Variants in PEX5L observed in about 807,000 individuals in gnomAD.
PEX5L encodes the protein PEX5-related protein.
A neutral mutation model predicts 84.0 loss-of-function variants in PEX5L; 30 were observed. That is an observed-to-expected ratio of 0.36 (90% CI 0.27 to 0.48). The LOEUF (loss-of-function observed/expected upper bound fraction) is 0.48. PEX5L is among the 20% of genes least tolerant of loss of function. PEX5L has a pLI of 0.99. For synonymous variants in PEX5L, 270 were observed against 283.1 expected, an observed-to-expected ratio of 0.95 and a Z score of 0.46; for missense variants, 533 against 754.6, an observed-to-expected ratio of 0.71 and a Z score of 3.44.
At chr3:179,960,455 T>C (rs1405513966) in intron 2 of PEX5L, among the ~76,000 whole-genome samples, 3 of 152,186 alleles carry the variant, frequency 2.0e-5, no homozygotes, top group Admixed American at 6.5e-5. Context: ...TGCATTTTAT[T>C]TGGGAGACAG....
At chr3:179,926,498 C>A (rs542727880) in intron 2 of PEX5L, among the ~76,000 whole-genome samples, 1 of 152,294 alleles carries the variant, frequency 6.6e-6, no homozygotes, top group East Asian at 1.9e-4. Context: ...GGTGTCAATT[C>A]AAGCATCACC....
chr3:179,934,380 T>C (rs1024586760), intron 2 of PEX5L, among the ~76,000 whole-genome samples: 6 of 152,228 alleles, frequency 3.9e-5, no homozygotes, highest in African/African-American at 1.4e-4. Context: ...GAAATGGTAG[T>C]GAGAACTATC....
chr3:179,863,431 A>G (rs1746957006), intron 7 of PEX5L, among the ~76,000 whole-genome samples: 1 of 152,182 alleles, frequency 6.6e-6, no homozygotes, highest in African/African-American at 2.4e-5. Context: ...ATATTTGCTA[A>G]CCATACATCT....
At chr3:180,021,820 G>A (rs541588432) in intron 1 of PEX5L, among the ~76,000 whole-genome samples, 9 of 152,288 alleles carry the variant, frequency 5.9e-5, no homozygotes, top group Middle Eastern at 3.4e-3. Flanking sequence ...TATTGAGGAT[G>A]AGCATAGATG....
intron 7 of PEX5L, among the ~76,000 whole-genome samples, chr3:179,867,105 C>A (rs1182072397): frequency 6.6e-6 from 1 of 151,394 alleles, no homozygotes; most frequent in African/African-American, 2.4e-5. Context: ...GGAGCCAATT[C>A]CTAGAGCTTT....
At chr3:180,028,324 T>C (rs1010272997) in intron 1 of PEX5L, among the ~76,000 whole-genome samples, 8 of 152,156 alleles carry the variant, frequency 5.3e-5, no homozygotes, top group Non-Finnish European at 1.2e-4. Context: ...TGTTCTAAAT[T>C]TCTAATTCAA....
intron 1 of PEX5L, among the ~76,000 whole-genome samples, chr3:180,031,526 C>T (rs1791464076): frequency 6.6e-6 from 1 of 152,130 alleles, no homozygotes. Flanking sequence ...TTTTCTCTGT[C>T]AGCATATTTG....
At chr3:179,997,593 G>C (rs1788012551) in intron 1 of PEX5L, among the ~76,000 whole-genome samples, 4 of 152,224 alleles carry the variant, frequency 2.6e-5, no homozygotes. Flanking sequence ...TCGAGGACTT[G>C]AAAGATGCAG....
chr3:179,993,790 A>ACCGCAT (rs1787607115), intron 1 of PEX5L, among the ~76,000 whole-genome samples: 1 of 152,208 alleles, frequency 6.6e-6, no homozygotes, highest in Non-Finnish European at 1.5e-5. Context: ...GGCATGAGCC[A>ACCGCAT]CCGCATCCGG....
intron 3 of PEX5L, among the ~76,000 whole-genome samples, chr3:179,894,627 C>T (rs2108935936): frequency 6.6e-6 from 1 of 152,164 alleles, no homozygotes; most frequent in African/African-American, 2.4e-5. Flanking sequence ...AATGGAAACC[C>T]AAACAAGGCT....
chr3:179,844,122 T>C (rs1487690644), intron 8 of PEX5L, among the ~76,000 whole-genome samples: 1 of 152,192 alleles, frequency 6.6e-6, no homozygotes, highest in Non-Finnish European at 1.5e-5. Context: ...CCTAAATAAA[T>C]CCAGAACCCT....
At chr3:179,907,718 C>T (rs1203084241) in intron 2 of PEX5L, among the ~76,000 whole-genome samples, 1 of 152,084 alleles carries the variant, frequency 6.6e-6, no homozygotes, top group Non-Finnish European at 1.5e-5. Context: ...TAGAATTATA[C>T]TATATCATTT....
At chr3:179,992,354 A>G (rs1310215453) in intron 1 of PEX5L, among the ~76,000 whole-genome samples, 1 of 152,204 alleles carries the variant, frequency 6.6e-6, no homozygotes, top group African/African-American at 2.4e-5. Context: ...AGGTTGAATG[A>G]TTTACTTAAC....
At chr3:180,006,851 C>T (rs1338891708) in intron 1 of PEX5L, among the ~76,000 whole-genome samples, 2 of 152,166 alleles carry the variant, frequency 1.3e-5, no homozygotes, top group Admixed American at 1.3e-4. Context: ...TTGGGTCCCT[C>T]CCACAACATG....
intron 1 of PEX5L, among the ~76,000 whole-genome samples, chr3:179,979,851 C>G (rs1278489443): frequency 6.6e-6 from 1 of 152,126 alleles, no homozygotes; most frequent in Admixed American, 6.6e-5. Context: ...CTTGTTACAG[C>G]AATCTCAAAC....
chr3:179,816,410 A>G (rs1269577929), intron 9 of PEX5L, among the ~76,000 whole-genome samples: 1 of 152,232 alleles, frequency 6.6e-6, no homozygotes, highest in African/African-American at 2.4e-5. Flanking sequence ...ATACAGCCAT[A>G]AAAAGGATGA....
chr3:179,796,471 T>C lies in PEX5L; in HGVS notation c.*5357A>G, dbSNP rs189016837. ...AGTGGAAACTTCGTTCAAGGCAAAATACCACATGAGAGGTTGTTAAACCTC... is the reference window on the plus strand; with the variant it reads ...AGTGGAAACTTCGTTCAAGGCAAAACACCACATGAGAGGTTGTTAAACCTC... On this transcript the variant is annotated 3_prime_UTR_variant, in exon 15 of 15. Coordinates refer to ENST00000467460, the MANE Select transcript of PEX5L (RefSeq NM_016559.3). 1 of 152,192 alleles carries C rather than the reference T, an allele frequency of 6.6e-6. No homozygotes were observed. Among genetic ancestry groups the C allele is most frequent in the Non-Finnish European group, 1.5e-5 (1 of 68,000 alleles). The allele number at this position is 152,192 out of a possible 1,614,324, so 9.4% of individuals were successfully genotyped here.
intron 14 of PEX5L, among the ~76,000 whole-genome samples, chr3:179,805,886 A>C (rs559607280): frequency 6.6e-6 from 1 of 152,214 alleles, no homozygotes; most frequent in African/African-American, 2.4e-5. Context: ...GAATGCCAAG[A>C]AAGTATTTTA....
chr3:179,962,235 T>C (rs1377506733), intron 2 of PEX5L, among the ~76,000 whole-genome samples: 1 of 152,186 alleles, frequency 6.6e-6, no homozygotes, highest in East Asian at 1.9e-4. Flanking sequence ...ACTATGCTTA[T>C]CTTACCAACA....
Sources: allele counts gnomAD v4.1 joint callset (sites outside exome capture counted in the v4.1 genomes callset), GRCh38; gene constraint gnomAD v4.1.1; transcripts MANE v1.5; gene names NCBI Gene and HGNC (gene_info 2026-07-23, HGNC 2026-07-21).